The following SLC12A6 variants were observed in gnomAD, a reference collection of about 807,000 sequenced individuals.
SLC12A6 encodes the protein solute carrier family 12 member 6.
A neutral mutation model predicts 135.3 loss-of-function variants in SLC12A6; 66 were observed. The ratio of observed to expected loss-of-function variants is 0.49; its 90% CI spans 0.40 to 0.60. SLC12A6 has a LOEUF of 0.60. Ranked by LOEUF, SLC12A6 falls within the 20% of genes least tolerant of loss-of-function variation. The pLI is 0.00. For missense variants in SLC12A6, 1,058 were observed against 1,452.3 expected (o/e 0.73, Z 4.41); for synonymous variants, 513 against 508.8 (o/e 1.01, Z -0.11).
intron 25 of SLC12A6, 128 bp downstream of exon 25, chr15:34,235,053 C>T: frequency 1.1e-6 from 1 of 907,306 alleles, no homozygotes; most frequent in South Asian, 1.3e-5. Context: ...TTGCCTAGGA[C>T]TTTTAAGTCT....
At position 34,236,647 on chromosome 15, in the gene SLC12A6, T is replaced by C. The variant is rs1020451099; in HGVS notation, c.3042+61A>G. The C allele has an allele frequency of 4.9e-6, 5 of 1,025,114 alleles. No individual in the cohort carries two copies. The African/African-American group carries it at 6.2e-5, about 13-fold the overall frequency. The allele number at this position is 1,025,114 out of a possible 1,614,324, so 63.5% of individuals were successfully genotyped here. ...GTGAGCCACCATGCCCAGCCCAGTA[T>C]CATCCCTTTCAGTGACAGACTTTAG... On this transcript the variant is annotated intron_variant, in intron 23 of 25. Coordinates refer to ENST00000354181, the MANE Select transcript of SLC12A6 (RefSeq NM_001365088.1).
intron 2 of SLC12A6, among the ~76,000 whole-genome samples, chr15:34,310,098 T>A (rs1289330201): frequency 1.3e-5 from 2 of 151,490 alleles, no homozygotes; most frequent in East Asian, 3.9e-4. Flanking sequence ...AGCCTCCACC[T>A]CCTGGGTTCA....
rs142474884 is a variant in SLC12A6, at chr15:34,320,292, T to C, written c.271+16118A>G. Among the ~76,000 whole-genome samples the C allele has an allele frequency of 8.7e-3, 1,321 of 152,320 alleles. 26 individuals are homozygous for C. Among genetic ancestry groups the C allele is most frequent in the African/African-American group, 0.03 (1,249 of 41,558 alleles). Reference sequence around the variant, plus strand: ...ATATGAAGAAAATGTGGAATATATATACAACAGAATACGATTCAGCCATAA... The same window carrying C: ...ATATGAAGAAAATGTGGAATATATACACAACAGAATACGATTCAGCCATAA... On this transcript the variant is annotated intron_variant, in intron 2 of 25. Transcript: ENST00000354181.
At chr15:34,268,147 TACAAAAATCTG>T (rs1421582008) in intron 3 of SLC12A6, among the ~76,000 whole-genome samples, 2 of 152,194 alleles carry the variant, frequency 1.3e-5, no homozygotes, top group Non-Finnish European at 2.9e-5. Context: ...ATGATGCTGT[TACAAAAATCTG>T]GCATGAGACA....
At chr15:34,253,334 G>C (rs1352246576) in intron 9 of SLC12A6, among the ~76,000 whole-genome samples, 2 of 152,148 alleles carry the variant, frequency 1.3e-5, no homozygotes, top group Non-Finnish European at 2.9e-5. Context: ...AAAAAGAGGA[G>C]AAGCCCCAAA....
intron 2 of SLC12A6, among the ~76,000 whole-genome samples, chr15:34,292,508 C>G (rs1895608282): frequency 6.6e-6 from 1 of 152,202 alleles, no homozygotes; most frequent in East Asian, 1.9e-4. Flanking sequence ...GCTGGGAGAA[C>G]CACTGCTCTC....
chr15:34,256,344 T>A (rs1892752447), intron 6 of SLC12A6, 61 bp from the exon 7 acceptor site: 1 of 1,155,198 alleles, frequency 8.7e-7, no homozygotes, highest in East Asian at 2.3e-5. Context: ...CTATACTACT[T>A]CTCCATTTGT....
In SLC12A6 at chr15:34,253,312, G is replaced by C. The variant is rs17817818; in HGVS notation, c.1119-928C>G. Among the ~76,000 whole-genome samples, 1,432 of 152,078 alleles carry C rather than the reference G, an allele frequency of 9.4e-3. 12 individuals carry two copies. The highest frequency in any genetic ancestry group is 0.015 in the Non-Finnish European group (997 of 67,994). Reference sequence around the variant, plus strand: ...AAAGAAAATACCATGCATTATGACCGTGTACTAATCAAAAAAGAGGAGAAG... The same window carrying C: ...AAAGAAAATACCATGCATTATGACCCTGTACTAATCAAAAAAGAGGAGAAG... On this transcript the variant is annotated intron_variant, in intron 9 of 25. Coordinates refer to ENST00000354181, the MANE Select transcript of SLC12A6 (RefSeq NM_001365088.1).
At chr15:34,283,783 G>A (rs946226953) in intron 2 of SLC12A6, among the ~76,000 whole-genome samples, 3 of 151,604 alleles carry the variant, frequency 2.0e-5, no homozygotes, top group Non-Finnish European at 2.9e-5. Flanking sequence ...AGGGTCTTGC[G>A]CTGACATCAA....
chr15:34,291,910 C>T (rs1292453597), intron 2 of SLC12A6, among the ~76,000 whole-genome samples: 21 of 152,086 alleles, frequency 1.4e-4, no homozygotes, highest in Admixed American at 1.4e-3. Context: ...ATTTTAGCTT[C>T]CTTGCAATGG....
At chr15:34,239,496 G>A (rs1166686074) in intron 19 of SLC12A6, among the ~76,000 whole-genome samples, 1 of 152,050 alleles carries the variant, frequency 6.6e-6, no homozygotes, top group Non-Finnish European at 1.5e-5. Context: ...AGTTGACCAG[G>A]GTGATTCACT....
chr15:34,291,627 C>T (rs532075312), intron 2 of SLC12A6, among the ~76,000 whole-genome samples: 3 of 152,248 alleles, frequency 2.0e-5, no homozygotes, highest in East Asian at 3.9e-4. Context: ...ACCAATCAAA[C>T]GTAGATTTGG....
chr15:34,283,291 G>A (rs141512124), intron 2 of SLC12A6, among the ~76,000 whole-genome samples: 8 of 152,070 alleles, frequency 5.3e-5, no homozygotes, highest in South Asian at 4.1e-4. Context: ...TGCAGTGACC[G>A]GAGACTGCAC....
intron 16 of SLC12A6, among the ~76,000 whole-genome samples, chr15:34,243,543 G>A (rs192573378): frequency 6.6e-6 from 1 of 152,246 alleles, no homozygotes; most frequent in East Asian, 1.9e-4. Context: ...AAGCACTTTA[G>A]ATTTATTAGT....
chr15:34,256,452 G>A (rs1319842582), intron 6 of SLC12A6, among the ~76,000 whole-genome samples, 169 bp from the exon 7 acceptor site: 2 of 152,160 alleles, frequency 1.3e-5, no homozygotes, highest in Admixed American at 6.5e-5. Flanking sequence ...AATTCATTGC[G>A]CTAGTCATAC....
chr15:34,255,922 C>T (rs911274570), intron 7 of SLC12A6, among the ~76,000 whole-genome samples: 1 of 151,924 alleles, frequency 6.6e-6, no homozygotes, highest in Non-Finnish European at 1.5e-5. Context: ...GAGCTATGAT[C>T]GTGTCACTGC....
At chr15:34,311,758 C>A (rs1888276106) in intron 2 of SLC12A6, among the ~76,000 whole-genome samples, 1 of 152,162 alleles carries the variant, frequency 6.6e-6, no homozygotes, top group Admixed American at 6.5e-5. Flanking sequence ...ACCTCTCTCC[C>A]TCATCTCTTA....
chr15:34,298,428 T>A (rs1896020279), intron 2 of SLC12A6, among the ~76,000 whole-genome samples: 2 of 152,178 alleles, frequency 1.3e-5, no homozygotes, highest in South Asian at 4.1e-4. Context: ...TGAGCTGAGA[T>A]GGTGCCTCTG....
chr15:34,229,887 A>C lies in SLC12A6; in HGVS notation c.*3994T>G, dbSNP rs140570424. On this transcript the variant is annotated 3_prime_UTR_variant, in exon 26 of 26. Transcript: ENST00000354181. The stretch of plus-strand genomic sequence containing the variant: ...CAGCATACTCTTAAACTAATCACTT[A>C]TGTTAAAAAGAACCAAAAGACTCTT... The C allele has an allele frequency of 0.02, 23,678 of 1,163,522 alleles. 362 individuals carry two copies. Among genetic ancestry groups the C allele is most frequent in the Middle Eastern group, 0.11 (554 of 5,164 alleles). The allele number at this position is 1,163,522 out of a possible 1,614,324, so 72.1% of individuals were successfully genotyped here. A position where few individuals can be genotyped will look rare whatever the true frequency, so the allele number is the denominator to read the frequency against.
Sources: allele counts gnomAD v4.1 joint callset (sites outside exome capture counted in the v4.1 genomes callset), GRCh38; gene constraint gnomAD v4.1.1; transcripts MANE v1.5; gene names NCBI Gene and HGNC (gene_info 2026-07-23, HGNC 2026-07-21).